Variants in RPAP3 observed in about 807,000 individuals in gnomAD.
The protein encoded by RPAP3 is RNA polymerase II associated protein 3.
In RPAP3, 58 loss-of-function variants were observed where a neutral mutation model predicts 88.8. The ratio of observed to expected loss-of-function variants is 0.65; its 90% CI spans 0.53 to 0.81. The LOEUF is 0.81. Ranked by LOEUF, RPAP3 falls within the 40% of genes least tolerant of loss-of-function variation. The pLI is 0.00. For missense variants in RPAP3, 751 were observed against 764.3 expected (o/e 0.98, Z 0.20); for synonymous variants, 255 against 259.9 (o/e 0.98, Z 0.18).
chr12:47,697,903 C>T (rs1280931858), intron 3 of RPAP3, among the ~76,000 whole-genome samples, 184 bp from the exon 4 acceptor site: 1 of 152,094 alleles, frequency 6.6e-6, no homozygotes, highest in Non-Finnish European at 1.5e-5. Flanking sequence ...GATGCCTTAG[C>T]TTAGAAAACC....
intron 12 of RPAP3, among the ~76,000 whole-genome samples, 165 bp from the exon 13 acceptor site, chr12:47,670,510 AG>A (rs1192321504): frequency 4.6e-5 from 7 of 152,352 alleles, no homozygotes; most frequent in African/African-American, 1.7e-4. Context: ...AAAAATAAAA[AG>A]CTATACAAAG....
At chr12:47,704,741 C>T (rs930786719) in intron 1 of RPAP3, among the ~76,000 whole-genome samples, 1 of 151,868 alleles carries the variant, frequency 6.6e-6, no homozygotes, top group Admixed American at 6.5e-5. Context: ...GTGGCTCATG[C>T]CTGTAATCCC....
rs768131123 is a variant in RPAP3, at chr12:47,690,613, T to C, written c.572A>G (p.Asn191Ser). The stretch of plus-strand genomic sequence containing the variant: ...ACTTCTATTCAAGGCAACTGCTAAA[T>C]TACAATCAGACTCAGCAACAGCAAA... The part of the protein sequence containing the change: ...KKFAVAESDC[N>S]LAVALNRSYT... The change falls in exon 6 of 17, where the codon AAT (asparagine) becomes AGT (serine). Residue 191 changes from asparagine (N) to serine (S), a missense_variant. Transcript: ENST00000005386. The C allele has an allele frequency of 6.2e-5, 97 of 1,564,258 alleles. No homozygotes were observed. Among genetic ancestry groups the C allele is most frequent in the Non-Finnish European group, 7.3e-5 (84 of 1,150,474 alleles).
intron 5 of RPAP3, among the ~76,000 whole-genome samples, chr12:47,692,662 T>C (rs1050146305): frequency 6.6e-6 from 1 of 152,230 alleles, no homozygotes; most frequent in Non-Finnish European, 1.5e-5. Flanking sequence ...CTTTTAATTA[T>C]TTGTGTTCAT....
At chr12:47,672,541 T>C (rs1440379581) in intron 12 of RPAP3, among the ~76,000 whole-genome samples, 2 of 152,222 alleles carry the variant, frequency 1.3e-5, no homozygotes, top group African/African-American at 2.4e-5. Flanking sequence ...TTGCTCAAGA[T>C]TGCAAAGTTT....
intron 7 of RPAP3, 71 bp from the exon 8 acceptor site, chr12:47,688,072 A>G: frequency 2.4e-6 from 3 of 1,266,886 alleles, no homozygotes; most frequent in Non-Finnish European, 1.1e-6. Flanking sequence ...ACCTTAAAAC[A>G]TAAATACCTC....
At chr12:47,688,762 T>C (rs1391851589) in intron 7 of RPAP3, among the ~76,000 whole-genome samples, 1 of 152,192 alleles carries the variant, frequency 6.6e-6, no homozygotes, top group Non-Finnish European at 1.5e-5. Flanking sequence ...GCAATAGTAG[T>C]GGTAATATTT....
chr12:47,667,993 G>A (rs773119641), intron 14 of RPAP3, 142 bp from the exon 15 acceptor site: 87 of 536,500 alleles, frequency 1.6e-4, no homozygotes, highest in Admixed American at 3.9e-4. Context: ...TTGGGAGTTC[G>A]AGACCAGTCT....
chr12:47,700,332 G>A (rs1939632306), intron 3 of RPAP3, among the ~76,000 whole-genome samples: 1 of 152,106 alleles, frequency 6.6e-6, no homozygotes, highest in South Asian at 2.1e-4. Flanking sequence ...GGATTAGAAA[G>A]GAGCATACCA....
intron 3 of RPAP3, among the ~76,000 whole-genome samples, chr12:47,697,921 A>C (rs1592486825): frequency 1.3e-5 from 2 of 152,298 alleles, no homozygotes; most frequent in East Asian, 3.9e-4. Flanking sequence ...ACCAAGATCA[A>C]AACCAAAAAT....
chr12:47,678,311 G>T (rs1939156491), intron 12 of RPAP3, among the ~76,000 whole-genome samples: 1 of 152,074 alleles, frequency 6.6e-6, no homozygotes, highest in Non-Finnish European at 1.5e-5. Context: ...AGAAAACCTA[G>T]GAAATACCAT....
At chr12:47,693,865 A>G (rs1397794139) in intron 5 of RPAP3, among the ~76,000 whole-genome samples, 1 of 152,258 alleles carries the variant, frequency 6.6e-6, no homozygotes, top group Non-Finnish European at 1.5e-5. Flanking sequence ...AGACAAACAA[A>G]CAAAACATCT....
intron 6 of RPAP3, 69 bp from the exon 7 acceptor site, chr12:47,689,264 C>T: frequency 3.1e-6 from 2 of 635,948 alleles, no homozygotes; most frequent in Non-Finnish European, 5.3e-6. Flanking sequence ...ACAAAACAAT[C>T]TTTTGTTGCC....
At chr12:47,696,518 C>G (rs899073852) in intron 4 of RPAP3, 115 bp from the exon 5 acceptor site, 30 of 620,412 alleles carry the variant, frequency 4.8e-5, no homozygotes, top group Non-Finnish European at 7.3e-5. Flanking sequence ...AGATTTTTTT[C>G]AATAGAAGTC....
chr12:47,691,733 T>A (rs772421806), intron 5 of RPAP3, among the ~76,000 whole-genome samples: 15 of 152,124 alleles, frequency 9.9e-5, no homozygotes, highest in Non-Finnish European at 1.8e-4. Context: ...TACACTACTT[T>A]GAAATAAATC....
At chr12:47,681,520 C>G (rs1160645880) in intron 10 of RPAP3, among the ~76,000 whole-genome samples, 176 bp downstream of exon 10, 1 of 152,196 alleles carries the variant, frequency 6.6e-6, no homozygotes. Flanking sequence ...AAAAGATAAT[C>G]TGGTACATTG....
At chr12:47,691,938 G>T (rs1306115594) in intron 5 of RPAP3, among the ~76,000 whole-genome samples, 1 of 152,000 alleles carries the variant, frequency 6.6e-6, no homozygotes, top group African/African-American at 2.4e-5. Flanking sequence ...GTAGAGACAG[G>T]GTTTCACCGT....
rs1938796302 is a variant in RPAP3 at position 47,663,294 on chromosome 12, C to T, written c.*211G>A. The T allele has an allele frequency of 4.9e-6, 2 of 406,794 alleles. No homozygotes were observed. The highest frequency in any genetic ancestry group is 4.6e-5 in the South Asian group (1 of 21,594). 25.2% of individuals were successfully genotyped at this position (406,794 alleles called of 1,614,324 possible). ...AATGCTGATCCTTACAAATGTATCT[C>T]ATTGTTTATATTTTTATTTTCAGAA... On this transcript the variant is annotated 3_prime_UTR_variant, in exon 17 of 17. Coordinates refer to ENST00000005386, the MANE Select transcript of RPAP3 (RefSeq NM_024604.3).
intron 12 of RPAP3, among the ~76,000 whole-genome samples, chr12:47,678,333 G>T (rs1452596850): frequency 1.1e-4 from 16 of 152,156 alleles, no homozygotes; most frequent in Admixed American, 9.8e-4. Flanking sequence ...CAGGCCACAG[G>T]CATAGGCAAG....
Sources: gnomAD v4.1 joint callset for allele counts (sites outside exome capture counted in the v4.1 genomes callset) on GRCh38, gnomAD v4.1.1 for gene constraint, MANE v1.5 for transcripts, NCBI Gene and HGNC (gene_info 2026-07-23, HGNC 2026-07-21) for gene names.